Variants in TES observed in about 807,000 individuals in gnomAD.
TES encodes testin LIM domain protein.
A neutral mutation model predicts 48.2 loss-of-function variants in TES; 41 were observed. The ratio of observed to expected loss-of-function variants is 0.85; its 90% CI spans 0.66 to 1.10. The LOEUF is 1.10. TES is among the 50% of genes least tolerant of loss of function. TES has a pLI of 0.00. For missense variants in TES, 463 were observed against 515.1 expected (o/e 0.90, Z 0.98); for synonymous variants, 162 against 174.9 (o/e 0.93, Z 0.58).
intron 1 of TES, among the ~76,000 whole-genome samples, chr7:116,216,052 G>A (rs1226917213): frequency 1.3e-5 from 2 of 152,120 alleles, no homozygotes; most frequent in African/African-American, 4.8e-5. Context: ...GTGACATCCA[G>A]CATTGTTAGC....
At chr7:116,210,810 G>A in intron 1 of TES, 76 bp downstream of exon 1, 1 of 1,200,288 alleles carries the variant, frequency 8.3e-7, no homozygotes, top group Non-Finnish European at 1.1e-6. Context: ...CGGAGGTGCC[G>A]AGGTGGGTGG....
chr7:116,228,338 T>C (rs1395155482), intron 1 of TES, among the ~76,000 whole-genome samples: 1 of 152,224 alleles, frequency 6.6e-6, no homozygotes, highest in Non-Finnish European at 1.5e-5. Context: ...AGCCTGACTG[T>C]AATTTCTCCC....
At chr7:116,238,019 A>G (rs1396001202) in intron 2 of TES, 1 of 152,266 alleles carries the variant, frequency 6.6e-6, no homozygotes, top group Non-Finnish European at 1.5e-5. Context: ...ACTTTGAGGA[A>G]ACACAGTTCA....
At chr7:116,232,862 A>G (rs1161367588) in intron 1 of TES, among the ~76,000 whole-genome samples, 1 of 152,362 alleles carries the variant, frequency 6.6e-6, no homozygotes, top group East Asian at 1.9e-4. Flanking sequence ...TTTAGAGAGT[A>G]TACTTTATAT....
chr7:116,231,670 A>C (rs1467419093), intron 1 of TES, among the ~76,000 whole-genome samples: 5 of 152,216 alleles, frequency 3.3e-5, no homozygotes, highest in Non-Finnish European at 7.3e-5. Flanking sequence ...CTGGGTTATG[A>C]TAAGGGGGCT....
intron 6 of TES, among the ~76,000 whole-genome samples, chr7:116,254,677 A>C (rs1376482274): frequency 6.6e-6 from 1 of 152,022 alleles, no homozygotes; most frequent in East Asian, 1.9e-4. Context: ...TGGAGGTTGC[A>C]ATGAGCCGAG....
At chr7:116,210,864 T>G in intron 1 of TES, 130 bp downstream of exon 1, 3 of 814,882 alleles carry the variant, frequency 3.7e-6, no homozygotes, top group South Asian at 6.1e-5. Flanking sequence ...GGGTCTGCGG[T>G]GCCCCGGGCC....
intron 2 of TES, among the ~76,000 whole-genome samples, chr7:116,242,013 A>G (rs1180307200): frequency 6.6e-6 from 1 of 152,186 alleles, no homozygotes; most frequent in African/African-American, 2.4e-5. Context: ...TTTATTATTT[A>G]TCTTTCAGAT....
chr7:116,212,239 T>C (rs1799447150), intron 1 of TES, among the ~76,000 whole-genome samples: 1 of 152,208 alleles, frequency 6.6e-6, no homozygotes, highest in South Asian at 2.1e-4. Context: ...AAAGTAAACA[T>C]ATTTTGGGCT....
At chr7:116,246,619 C>T (rs1165599889) in intron 2 of TES, among the ~76,000 whole-genome samples, 3 of 152,184 alleles carry the variant, frequency 2.0e-5, no homozygotes, top group African/African-American at 7.2e-5. Flanking sequence ...CCTAAGGGGA[C>T]AATTTCTTTC....
At chr7:116,243,520 A>G (rs527349180) in intron 2 of TES, among the ~76,000 whole-genome samples, 13 of 152,080 alleles carry the variant, frequency 8.5e-5, no homozygotes, top group Non-Finnish European at 1.6e-4. Context: ...CACCAAATTT[A>G]TATTTCCTAC....
intron 3 of TES, chr7:116,249,958 A>G: frequency 2.5e-6 from 1 of 399,210 alleles, no homozygotes; most frequent in Middle Eastern, 6.4e-4. Context: ...AATTTCATGG[A>G]GAGAAAGTGT....
At chr7:116,253,362 C>G (rs949411835) in intron 6 of TES, among the ~76,000 whole-genome samples, 1 of 152,194 alleles carries the variant, frequency 6.6e-6, no homozygotes, top group Admixed American at 6.5e-5. Flanking sequence ...CATTCTCTAT[C>G]AACTGTGCCT....
rs371297729 is a variant in TES at position 116,246,877 on chromosome 7, T to G, written c.114-2143T>G. Among the ~76,000 whole-genome samples, 572 of 151,352 alleles carry G rather than the reference T, an allele frequency of 3.8e-3. 2 individuals are homozygous for G. Among genetic ancestry groups the G allele is most frequent in the African/African-American group, 0.013 (537 of 41,318 alleles). On this transcript the variant is annotated intron_variant, in intron 2 of 6. Transcript: ENST00000358204. ...ACAAATGAAATTTTCTCTGTGTATG[T>G]GTGTGTGTGTGATTATTTAATGTCT...
At position 116,251,753 on chromosome 7, in the gene TES, C is replaced by G. The variant is rs775951125; in HGVS notation, c.703-7C>G. On this transcript the variant is annotated splice_polypyrimidine_tract_variant and splice_region_variant and intron_variant, in intron 4 of 6. Transcript: ENST00000358204. ...GACTAGGTTGTTCTGGATGGCTTCC[C>G]TTTCAGTCCTGCTATTGCTGCAAAC... 11 of 1,613,604 alleles carry G rather than the reference C, an allele frequency of 6.8e-6. No individual in the cohort carries two copies. In the South Asian group the frequency reaches 1.2e-4, roughly 18 times the overall value.
chr7:116,225,437 T>C lies in TES; in HGVS notation c.28-9097T>C, dbSNP rs182698773. ...GTAGGAATCATCCACTTTAATTTGT[T>C]AAAGTCCCAGAAAACTTGACGTACT... On this transcript the variant is annotated intron_variant, in intron 1 of 6. Coordinates refer to ENST00000358204, the MANE Select transcript of TES (RefSeq NM_015641.4). Among the ~76,000 whole-genome samples, 310 of 152,238 alleles carry C rather than the reference T, an allele frequency of 2.0e-3. No homozygotes were observed. In the Middle Eastern group the frequency reaches 0.021, roughly 10 times the overall value.
intron 4 of TES, among the ~76,000 whole-genome samples, chr7:116,251,106 AAAG>A (rs1800000277): frequency 6.6e-6 from 1 of 152,196 alleles, no homozygotes; most frequent in Admixed American, 6.5e-5. Context: ...AGTCCTGAAA[AAAG>A]AGCACTAATA....
At chr7:116,256,312 CT>C (rs11343759) in intron 6 of TES, among the ~76,000 whole-genome samples, 31,233 of 152,118 alleles carry the variant, frequency 0.21, 3,561 homozygotes, top group East Asian at 0.43. Flanking sequence ...GTTCCCACCC[CT>C]TATCCCTCAG....
intron 1 of TES, among the ~76,000 whole-genome samples, chr7:116,230,672 C>G (rs1334974162): frequency 1.3e-5 from 2 of 152,194 alleles, no homozygotes; most frequent in Admixed American, 6.5e-5. Context: ...GCATTGAATG[C>G]TTCAAGAGGT....
Sources: allele counts gnomAD v4.1 joint callset (sites outside exome capture counted in the v4.1 genomes callset), GRCh38; gene constraint gnomAD v4.1.1; transcripts MANE v1.5; gene names NCBI Gene and HGNC (gene_info 2026-07-23, HGNC 2026-07-21).